CCDC158: variants seen among roughly 807,000 people sequenced by gnomAD.
The protein encoded by CCDC158 is coiled-coil domain-containing protein 158.
In CCDC158, 116 loss-of-function variants were observed where a neutral mutation model predicts 138.6. That is an observed-to-expected ratio of 0.84 (90% CI 0.72 to 0.98). The LOEUF is 0.98. Among genes scored for constraint, CCDC158 ranks in the 50% least tolerant of loss-of-function variants. The pLI, the probability that CCDC158 is intolerant of heterozygous loss-of-function variation, is 0.00. For missense variants in CCDC158, 1,265 were observed against 1,306.1 expected (o/e 0.97, Z 0.48); for synonymous variants, 436 against 442.4 (o/e 0.99, Z 0.18).
At chr4:76,385,758 G>C (rs867061102) in intron 4 of CCDC158, among the ~76,000 whole-genome samples, 1 of 151,800 alleles carries the variant, frequency 6.6e-6, no homozygotes, top group Non-Finnish European at 1.5e-5. Context: ...ATCTACAGAC[G>C]AACAGGTCTA....
chr4:76,342,657 C>T (rs1449370831), intron 18 of CCDC158, among the ~76,000 whole-genome samples: 1 of 151,986 alleles, frequency 6.6e-6, no homozygotes, highest in Non-Finnish European at 1.5e-5. Flanking sequence ...TTAAGCCCCA[C>T]TAAAATGACA....
chr4:76,369,971 C>G (rs1479188869), intron 10 of CCDC158, among the ~76,000 whole-genome samples: 2 of 151,904 alleles, frequency 1.3e-5, no homozygotes, highest in African/African-American at 4.8e-5. Context: ...TAAAGAAATG[C>G]TCAAAAGCAT....
chr4:76,377,193 G>A (rs1725798208), intron 9 of CCDC158, among the ~76,000 whole-genome samples: 1 of 152,198 alleles, frequency 6.6e-6, no homozygotes, highest in Non-Finnish European at 1.5e-5. Flanking sequence ...CAAACAATGG[G>A]TGAGGCTTCT....
At chr4:76,396,657 C>G (rs569445356) in intron 3 of CCDC158, among the ~76,000 whole-genome samples, 171 bp from the exon 4 acceptor site, 2 of 151,926 alleles carry the variant, frequency 1.3e-5, no homozygotes, top group African/African-American at 4.8e-5. Context: ...ATTACAGGAG[C>G]GTGCCACCAT....
At chr4:76,320,932 G>T (rs1309371356) in intron 24 of CCDC158, among the ~76,000 whole-genome samples, 1 of 152,168 alleles carries the variant, frequency 6.6e-6, no homozygotes, top group African/African-American at 2.4e-5. Flanking sequence ...AAATTAAAAA[G>T]CTTCTGCATA....
intron 1 of CCDC158, among the ~76,000 whole-genome samples, chr4:76,414,065 T>A (rs1729503154): frequency 6.6e-6 from 1 of 152,058 alleles, no homozygotes; most frequent in Non-Finnish European, 1.5e-5. Flanking sequence ...CACACCACCA[T>A]GCCTGGCTAA....
In CCDC158 at chr4:76,330,633, C is replaced by T. The variant is rs1222526741; in HGVS notation, c.2942+711G>A. Among the ~76,000 whole-genome samples, 4 of 152,236 alleles carry T rather than the reference C, an allele frequency of 2.6e-5. No individual in the cohort carries two copies. In the East Asian group the frequency reaches 5.8e-4, roughly 22 times the overall value. ...TGGTTGCATCTATACTGAACATGTA[C>T]AGGCCTTTTTTCTTGTCATTATTCC... On this transcript the variant is annotated intron_variant, in intron 21 of 24. Coordinates refer to ENST00000682701, the MANE Select transcript of CCDC158 (RefSeq NM_001394954.1).
At chr4:76,370,901 G>A (rs13116030) in intron 10 of CCDC158, among the ~76,000 whole-genome samples, 32,406 of 151,874 alleles carry the variant, frequency 0.21, 4,048 homozygotes, top group East Asian at 0.47. Context: ...TTGGTAAGCC[G>A]AGAAATTTAT....
intron 8 of CCDC158, among the ~76,000 whole-genome samples, chr4:76,381,916 C>T (rs1035365686): frequency 7.6e-5 from 11 of 145,100 alleles, no homozygotes; most frequent in Admixed American, 6.1e-4. Flanking sequence ...CTCCTGACCT[C>T]GTGATCTGCC....
In CCDC158 at chr4:76,403,190, C is replaced by A. The variant is rs28580836; in HGVS notation, c.18G>T (p.Trp6Cys). 8,879 of 1,604,264 alleles carry A rather than the reference C, an allele frequency of 5.5e-3. 410 individuals carry two copies. The African/African-American group carries it at 0.1, about 18-fold the overall frequency. Residue 6 changes from tryptophan (W) to cysteine (C), a missense_variant, in exon 3 of 25, where the codon TGG (tryptophan) becomes TGT (cysteine). Trp to Cys is a radical substitution (Grantham distance 215, BLOSUM62 -2). Transcript: ENST00000682701. Reference sequence around the variant, plus strand: ...ATAAAAGATCTTCATTATTTGATTCCCAAGCTTTTGATTCCATATTAAATA... The same window carrying A: ...ATAAAAGATCTTCATTATTTGATTCACAAGCTTTTGATTCCATATTAAATA... MESKA[W>C]ESNNEDLLSS...
At chr4:76,404,581 A>C (rs1410650246) in intron 2 of CCDC158, among the ~76,000 whole-genome samples, 1 of 152,224 alleles carries the variant, frequency 6.6e-6, no homozygotes, top group Non-Finnish European at 1.5e-5. Context: ...AAAGTTAGGA[A>C]AGACAGAGAA....
At chr4:76,363,579 G>C (rs1428383356) in intron 12 of CCDC158, among the ~76,000 whole-genome samples, 1 of 152,122 alleles carries the variant, frequency 6.6e-6, no homozygotes, top group Non-Finnish European at 1.5e-5. Flanking sequence ...TTGTGCTCCT[G>C]AGCATAAGGA....
At chr4:76,389,416 G>A (rs983369442) in intron 4 of CCDC158, among the ~76,000 whole-genome samples, 10 of 151,734 alleles carry the variant, frequency 6.6e-5, no homozygotes, top group African/African-American at 9.7e-5. Context: ...TACAGTCAGA[G>A]GAAACAAAAG....
At chr4:76,414,062 CCAT>C in intron 1 of CCDC158, among the ~76,000 whole-genome samples, 1 of 152,196 alleles carries the variant, frequency 6.6e-6, no homozygotes, top group Middle Eastern at 3.4e-3. Context: ...CTGCACACCA[CCAT>C]GCCTGGCTAA....
At chr4:76,367,845 A>T in intron 11 of CCDC158, 69 bp from the exon 12 acceptor site, 1 of 1,438,010 alleles carries the variant, frequency 7.0e-7, no homozygotes, top group South Asian at 1.4e-5. Context: ...AAGAGATACA[A>T]GTTAACTTAA....
intron 22 of CCDC158, among the ~76,000 whole-genome samples, chr4:76,327,060 G>A (rs1221029183): frequency 6.6e-6 from 1 of 152,082 alleles, no homozygotes; most frequent in Non-Finnish European, 1.5e-5. Context: ...GATAGTGAAT[G>A]CAGTTAATAT....
At chr4:76,385,171 C>A (rs1360660275) in intron 4 of CCDC158, among the ~76,000 whole-genome samples, 1 of 152,118 alleles carries the variant, frequency 6.6e-6, no homozygotes, top group Non-Finnish European at 1.5e-5. Flanking sequence ...TGATGCCATA[C>A]CTAATCCTCC....
intron 18 of CCDC158, among the ~76,000 whole-genome samples, chr4:76,339,164 G>GA (rs930984062): frequency 2.0e-5 from 3 of 151,520 alleles, no homozygotes; most frequent in African/African-American, 4.8e-5. Context: ...TTTTTCAAAA[G>GA]AAAAAAAACC....
At chr4:76,416,807 G>C (rs904191650) in intron 1 of CCDC158, among the ~76,000 whole-genome samples, 4 of 152,222 alleles carry the variant, frequency 2.6e-5, no homozygotes, top group Non-Finnish European at 5.9e-5. Context: ...TGGATGCCCA[G>C]GCAAAAGTTT....
Sources: gnomAD v4.1 joint callset for allele counts (sites outside exome capture counted in the v4.1 genomes callset) on GRCh38, gnomAD v4.1.1 for gene constraint, MANE v1.5 for transcripts, NCBI Gene and HGNC (gene_info 2026-07-23, HGNC 2026-07-21) for gene names.